Variants in OPHN1 observed in about 807,000 individuals in gnomAD.
OPHN1 encodes oligophrenin-1.
A neutral mutation model predicts 60.7 loss-of-function variants in OPHN1; 11 were observed. That is an observed-to-expected ratio of 0.18 (90% CI 0.11 to 0.30). The LOEUF (loss-of-function observed/expected upper bound fraction) is 0.30. Ranked by LOEUF, OPHN1 falls within the 10% of genes least tolerant of loss-of-function variation. The pLI, the probability that OPHN1 is intolerant of heterozygous loss-of-function variation, is 1.00. For missense variants in OPHN1, 449 were observed against 611.0 expected, an observed-to-expected ratio of 0.73 and a Z score of 2.80; for synonymous variants, 226 against 222.6, an observed-to-expected ratio of 1.02 and a Z score of -0.14.
intron 5 of OPHN1, among the ~76,000 whole-genome samples, chrX:68,262,973 TG>T (rs746671959): frequency 8.9e-6 from 1 of 112,104 alleles, no homozygotes; most frequent in South Asian, 3.7e-4. Flanking sequence ...AAGATCTATC[TG>T]GTTTAACCAT....
At chrX:68,222,483 T>G (rs1296379660) in intron 6 of OPHN1, among the ~76,000 whole-genome samples, 3 of 102,973 alleles carry the variant, frequency 2.9e-5, no homozygotes, top group Non-Finnish European at 5.9e-5. Context: ...TGCACACGTA[T>G]GTTTATTGCG....
At chrX:68,204,806 T>A (rs996150772) in intron 10 of OPHN1, among the ~76,000 whole-genome samples, 1 of 111,809 alleles carries the variant, frequency 8.9e-6, no homozygotes, top group African/African-American at 3.3e-5. Context: ...CTTGCTGGCA[T>A]CTGTCAGGAG....
chrX:68,222,705 A>T (rs1454748500), intron 6 of OPHN1, among the ~76,000 whole-genome samples: 1 of 99,963 alleles, frequency 1.0e-5, no homozygotes, highest in African/African-American at 3.7e-5. Flanking sequence ...TCATATTCTC[A>T]CTCATAGGTG....
chrX:68,406,236 C>CA (rs1188152077), intron 2 of OPHN1, among the ~76,000 whole-genome samples: 2 of 110,591 alleles, frequency 1.8e-5, no homozygotes, highest in African/African-American at 6.6e-5. Flanking sequence ...ATTATTGGGA[C>CA]AAAAAGGATA....
chrX:68,315,964 TATA>T (rs1207521924), intron 2 of OPHN1, among the ~76,000 whole-genome samples: 1 of 110,774 alleles, frequency 9.0e-6, no homozygotes, highest in African/African-American at 3.3e-5. Flanking sequence ...TTAATATTAT[TATA>T]ATGACAGTCT....
At chrX:68,065,048 G>A (rs2076908194) in intron 20 of OPHN1, among the ~76,000 whole-genome samples, 1 of 110,708 alleles carries the variant, frequency 9.0e-6, no homozygotes, top group African/African-American at 3.3e-5. Flanking sequence ...TGTAAATGAT[G>A]AGTTAATGGG....
At chrX:68,289,903 A>C (rs1355508465) in intron 3 of OPHN1, among the ~76,000 whole-genome samples, 1 of 112,283 alleles carries the variant, frequency 8.9e-6, no homozygotes, top group Non-Finnish European at 1.9e-5. Context: ...TGTACATGAC[A>C]AAATAGCTAG....
intron 5 of OPHN1, among the ~76,000 whole-genome samples, chrX:68,254,229 C>A (rs974995641): frequency 9.0e-6 from 1 of 111,409 alleles, no homozygotes; most frequent in Non-Finnish European, 1.9e-5. Context: ...TTATTCCTTG[C>A]TCTGCCACTA....
Position 68,270,313 on chromosome X carries a change from A to C in OPHN1, c.384+4425T>G, listed in dbSNP as rs1450521018. 3.6e-5 allele frequency among the ~76,000 whole-genome samples: 4 copies of C among 110,742 alleles called. No individual in the cohort carries two copies. The Admixed American group carries it at 3.9e-4, about 11-fold the overall frequency. ...ACATATGTTTATTGCGGCACTATTC[A>C]CAATAGCAAAGACTTGGAACCAACC... On this transcript the variant is annotated intron_variant, in intron 5 of 24. Transcript: ENST00000355520.
At chrX:68,227,473 C>T (rs192806127) in intron 6 of OPHN1, among the ~76,000 whole-genome samples, 19 of 111,245 alleles carry the variant, frequency 1.7e-4, no homozygotes, top group Admixed American at 9.6e-5. Context: ...AGCACCACAT[C>T]GCACTTATTA....
Position 68,267,207 on chromosome X carries a change from C to T in OPHN1, c.384+7531G>A, listed in dbSNP as rs185056167. 5.7e-3 allele frequency among the ~76,000 whole-genome samples: 634 copies of T among 111,535 alleles called. 7 individuals are homozygous for T. The highest frequency in any genetic ancestry group is 0.02 in the African/African-American group (603 of 30,667). On this transcript the variant is annotated intron_variant, in intron 5 of 24. Coordinates refer to ENST00000355520, the MANE Select transcript of OPHN1 (RefSeq NM_002547.3). ...TAGACATCTACAGAACTCCCCACCC[C>T]AAATCAACAGAATATACATTCTTCT...
At chrX:68,264,375 T>C (rs1032484107) in intron 5 of OPHN1, among the ~76,000 whole-genome samples, 24 of 111,075 alleles carry the variant, frequency 2.2e-4, no homozygotes, top group African/African-American at 6.6e-4. Flanking sequence ...AGGGCTAATA[T>C]CTAGAATCTA....
intron 2 of OPHN1, among the ~76,000 whole-genome samples, chrX:68,393,885 G>GTTTTTGT (rs2078667155): frequency 3.2e-4 from 11 of 34,587 alleles, no homozygotes; most frequent in Non-Finnish European, 5.4e-4. Flanking sequence ...AATAGACTTT[G>GTTTTTGT]TTTTTTTTTT....
intron 2 of OPHN1, among the ~76,000 whole-genome samples, chrX:68,359,392 T>C (rs1237094136): frequency 2.7e-5 from 3 of 111,611 alleles, no homozygotes; most frequent in African/African-American, 9.8e-5. Flanking sequence ...TTTCTGTTTT[T>C]GTGAGGCAGC....
chrX:68,299,484 G>A (rs142783437), intron 2 of OPHN1, among the ~76,000 whole-genome samples: 2,008 of 111,398 alleles, frequency 0.018, 27 homozygotes, highest in Non-Finnish European at 0.026. Context: ...CATTTTATAC[G>A]TGTGGAGTTC....
intron 2 of OPHN1, among the ~76,000 whole-genome samples, chrX:68,370,564 G>T (rs1003199666): frequency 3.6e-5 from 4 of 110,635 alleles, no homozygotes; most frequent in Non-Finnish European, 5.7e-5. Flanking sequence ...AAGACATAAG[G>T]ATCTCTGGTA....
At chrX:68,104,223 A>C (rs1290548492) in intron 18 of OPHN1, among the ~76,000 whole-genome samples, 1 of 112,099 alleles carries the variant, frequency 8.9e-6, no homozygotes, top group Non-Finnish European at 1.9e-5. Context: ...CAATATCATG[A>C]AAATGGCCTT....
chrX:68,418,765 G>A (rs2078811375), intron 2 of OPHN1, among the ~76,000 whole-genome samples: 2 of 111,771 alleles, frequency 1.8e-5, no homozygotes, highest in Non-Finnish European at 3.8e-5. Context: ...CTGTCTGAGA[G>A]CACTAATAAT....
intron 15 of OPHN1, among the ~76,000 whole-genome samples, chrX:68,141,873 G>A (rs374815813): frequency 1.9e-5 from 2 of 108,007 alleles, no homozygotes; most frequent in Admixed American, 1.0e-4. Flanking sequence ...GATGGTGACA[G>A]TTTAATAGCA....
Sources: gnomAD v4.1 joint callset for allele counts (sites outside exome capture counted in the v4.1 genomes callset) on GRCh38, gnomAD v4.1.1 for gene constraint, MANE v1.5 for transcripts, NCBI Gene and HGNC (gene_info 2026-07-23, HGNC 2026-07-21) for gene names.